LMO3: variants seen among roughly 807,000 people sequenced by gnomAD.
LMO3 encodes LIM domain only 3, also known as LIM domain only protein 3.
A neutral mutation model predicts 15.8 loss-of-function variants in LMO3; 2 were observed. The observed-to-expected ratio is 0.13, with a 90% CI of 0.05 to 0.40. The LOEUF is 0.40. LMO3 is among the 10% of genes least tolerant of loss of function. The pLI, the probability that LMO3 is intolerant of heterozygous loss-of-function variation, is 0.99. For missense variants in LMO3, 86 were observed against 182.2 expected, an observed-to-expected ratio of 0.47 and a Z score of 3.04; for synonymous variants, 62 against 63.8, an observed-to-expected ratio of 0.97 and a Z score of 0.13.
chr12:16,593,752 CA>C lies in LMO3; in HGVS notation c.206+6902del, dbSNP rs1033655890. Among the ~76,000 whole-genome samples, 48 of 151,784 alleles carry C rather than the reference CA, an allele frequency of 3.2e-4. No individual in the cohort carries two copies. Among genetic ancestry groups the C allele is most frequent in the African/African-American group, 1.1e-3 (46 of 41,512 alleles). ...ATACTGATAATAAAGGGGGGAAAGG[CA>C]TAAGCCAAAGGAATTGTTTTAAAGT... On this transcript the variant is annotated intron_variant, in intron 2 of 3. Coordinates refer to ENST00000537304, the MANE Select transcript of LMO3 (RefSeq NM_018640.5). This position sits in a 1 kb window ranked among gnomAD's most constrained non-coding sequence, Gnocchi z 4.2.
chr12:16,577,379 A>G (rs1166117570), intron 2 of LMO3, among the ~76,000 whole-genome samples: 1 of 152,118 alleles, frequency 6.6e-6, no homozygotes, highest in African/African-American at 2.4e-5. Flanking sequence ...AGTTATTAAA[A>G]TCACATTTTC....
rs1345284535 is a variant in LMO3, at chr12:16,582,938, T to A, written c.206+17717A>T. Among the ~76,000 whole-genome samples the A allele has an allele frequency of 1.7e-4, 25 of 151,062 alleles. No homozygotes were observed. The highest frequency in any genetic ancestry group is 1.5e-3 in the Admixed American group (23 of 15,078). ...GGCATGCACCTGTAATCCCAGCTAC[T>A]CAGGAGGCTAATGCAGGAAAATCTC... On this transcript the variant is annotated intron_variant, in intron 2 of 3. Transcript: ENST00000537304. This position sits in a 1 kb window ranked among gnomAD's most constrained non-coding sequence, Gnocchi z 4.1.
chr12:16,563,537 C>G (rs930044378), intron 2 of LMO3, among the ~76,000 whole-genome samples: 2 of 152,012 alleles, frequency 1.3e-5, no homozygotes, highest in Non-Finnish European at 2.9e-5. Flanking sequence ...AAAACAGTCT[C>G]TTAACTATCT....
chr12:16,577,351 G>A (rs2137502820), intron 2 of LMO3, among the ~76,000 whole-genome samples: 1 of 152,154 alleles, frequency 6.6e-6, no homozygotes, highest in Non-Finnish European at 1.5e-5. Context: ...CTTCCATGAA[G>A]GCCTCCTAAA....
chr12:16,572,250 C>T (rs1483514496), intron 2 of LMO3, among the ~76,000 whole-genome samples: 2 of 148,394 alleles, frequency 1.3e-5, no homozygotes, highest in Non-Finnish European at 3.0e-5. Flanking sequence ...GAAGGAATTA[C>T]AATAAAACCT....
At position 16,568,132 on chromosome 12, in the gene LMO3, C is replaced by T. The variant is rs529528630; in HGVS notation, c.207-7594G>A. ...AGATCTTGGTGAAAGTTATTGTCAT[C>T]GGTTTCTCTGGGTATTGTATGTTAA... is the stretch of plus-strand genomic sequence containing the variant. On this transcript the variant is annotated intron_variant, in intron 2 of 3. Transcript: ENST00000537304. Among the ~76,000 whole-genome samples, 17 of 152,258 alleles carry T rather than the reference C, an allele frequency of 1.1e-4. 1 individual carries two copies. Among genetic ancestry groups the T allele is most frequent in the African/African-American group, 4.1e-4 (17 of 41,558 alleles).
intron 2 of LMO3, among the ~76,000 whole-genome samples, chr12:16,561,230 T>C (rs1216178744): frequency 1.3e-5 from 2 of 152,192 alleles, no homozygotes; most frequent in Non-Finnish European, 2.9e-5. Context: ...AGAATCGTTA[T>C]TGTAATGACC....
chr12:16,603,777 C>G lies in LMO3; in HGVS notation c.-9+2289G>C, dbSNP rs1201141889. Among the ~76,000 whole-genome samples, 1 of 152,154 alleles carries G rather than the reference C, an allele frequency of 6.6e-6. No homozygotes were observed. Among genetic ancestry groups the G allele is most frequent in the African/African-American group, 2.4e-5 (1 of 41,432 alleles). ...CCTTGTTCTGTACCATTCATCCGCA[C>G]AGTCTCAGCTTCAGTAGTTAACACA... On this transcript the variant is annotated intron_variant, in intron 1 of 3. Coordinates refer to ENST00000537304, the MANE Select transcript of LMO3 (RefSeq NM_018640.5). This position sits in a 1 kb window ranked among gnomAD's most constrained non-coding sequence, Gnocchi z 4.9.
rs1943750584 is a variant in LMO3 at position 16,599,294 on chromosome 12, GAGA to G, written c.206+1358_206+1360del. 1.3e-5 allele frequency: 2 copies of G among 152,258 alleles called. No homozygotes were observed. The highest frequency in any genetic ancestry group is 4.8e-5 in the African/African-American group (2 of 41,456). 9.4% of individuals were successfully genotyped at this position (152,258 alleles called of 1,614,324 possible). A position where few individuals can be genotyped will look rare whatever the true frequency, so the allele number is the denominator to read the frequency against. On this transcript the variant is annotated intron_variant, in intron 2 of 3. Coordinates refer to ENST00000537304, the MANE Select transcript of LMO3 (RefSeq NM_018640.5). This position sits in a 1 kb window ranked among gnomAD's most constrained non-coding sequence, Gnocchi z 4.1. ...ATGTGTTTTACGCACTTGGAACACA[GAGA>G]AGTAGTAACAAGTGGCCATAATTAG... is the stretch of plus-strand genomic sequence containing the variant.
rs1941918181 is a variant in LMO3 at position 16,549,770 on chromosome 12, G to T, written c.*1452C>A. Reference sequence around the variant, plus strand: ...CAAAAGCAAAGAAGCAAGTTTGTGGGCAACTCGGAAGAGGGGATCATATTC... The same window carrying T: ...CAAAAGCAAAGAAGCAAGTTTGTGGTCAACTCGGAAGAGGGGATCATATTC... On this transcript the variant is annotated 3_prime_UTR_variant, in exon 4 of 4. Coordinates refer to ENST00000537304, the MANE Select transcript of LMO3 (RefSeq NM_018640.5). 6.6e-6 allele frequency: 1 copy of T among 152,064 alleles called. No individual in the cohort carries two copies. The allele number at this position is 152,064 out of a possible 1,614,324, so 9.4% of individuals were successfully genotyped here.
intron 2 of LMO3, among the ~76,000 whole-genome samples, chr12:16,592,286 G>A (rs1591821287): frequency 6.6e-6 from 1 of 151,898 alleles, no homozygotes. Context: ...TCTCAGCAAG[G>A]GTTGCACCGT....
chr12:16,569,730 T>C (rs1431749869), intron 2 of LMO3, among the ~76,000 whole-genome samples: 2 of 152,186 alleles, frequency 1.3e-5, no homozygotes, highest in African/African-American at 4.8e-5. Context: ...AAGCTTGCTA[T>C]TTATTGTTTT....
Position 16,551,143 on chromosome 12 carries a change from T to G in LMO3, c.*79A>C. 1 of 927,446 alleles carries G rather than the reference T, an allele frequency of 1.1e-6. No individual in the cohort carries two copies. Among genetic ancestry groups the G allele is most frequent in the Admixed American group, 1.8e-5 (1 of 56,852 alleles). The allele number at this position is 927,446 out of a possible 1,614,324, so 57.5% of individuals were successfully genotyped here. A position where few individuals can be genotyped will look rare whatever the true frequency, so the allele number is the denominator to read the frequency against. ...CTACGCTATTCAGTAGGTTCCTGTG[T>G]CAATTCTTATGTACATGTGGAGCAA... On this transcript the variant is annotated 3_prime_UTR_variant, in exon 4 of 4. Transcript: ENST00000537304.
In LMO3 at chr12:16,576,079, C is replaced by T. The variant is rs1228830164; in HGVS notation, c.207-15541G>A. On this transcript the variant is annotated intron_variant, in intron 2 of 3. Transcript: ENST00000537304. This position sits in a 1 kb window ranked among gnomAD's most constrained non-coding sequence, Gnocchi z 4.1. The stretch of plus-strand genomic sequence containing the variant: ...TTGTCTCAGTAAGCTACTTCTAGCG[C>T]GCATCGCTTCTCCCTTGCACTCATA... Among the ~76,000 whole-genome samples the T allele has an allele frequency of 2.6e-5, 4 of 152,152 alleles. No individual in the cohort carries two copies. Among genetic ancestry groups the T allele is most frequent in the Non-Finnish European group, 4.4e-5 (3 of 68,022 alleles).
chr12:16,577,125 T>C (rs1387148865), intron 2 of LMO3, among the ~76,000 whole-genome samples: 2 of 152,182 alleles, frequency 1.3e-5, no homozygotes, highest in African/African-American at 4.8e-5. Flanking sequence ...ACTGGTAACA[T>C]CTGTATCCCT....
intron 2 of LMO3, among the ~76,000 whole-genome samples, chr12:16,578,591 G>A (rs1270939339): frequency 6.6e-6 from 1 of 152,144 alleles, no homozygotes; most frequent in Non-Finnish European, 1.5e-5. Flanking sequence ...GCTGAGGCGG[G>A]TGGATCACTT....
intron 2 of LMO3, among the ~76,000 whole-genome samples, chr12:16,566,015 T>C (rs1591785708): frequency 1.2e-5 from 1 of 80,600 alleles, no homozygotes; most frequent in Non-Finnish European, 2.5e-5. Flanking sequence ...TATATATATA[T>C]ATATATATAT....
At chr12:16,602,918 C>G (rs1165260143) in intron 1 of LMO3, among the ~76,000 whole-genome samples, 1 of 151,638 alleles carries the variant, frequency 6.6e-6, no homozygotes, top group African/African-American at 2.4e-5. Context: ...TTAAGCCATC[C>G]TAATTAACGG....
At chr12:16,566,392 G>A (rs748408780) in intron 2 of LMO3, among the ~76,000 whole-genome samples, 1 of 151,910 alleles carries the variant, frequency 6.6e-6, no homozygotes, top group Non-Finnish European at 1.5e-5. Context: ...ATAGGTAGAA[G>A]AGAAGCTTTT....
Sources: gnomAD v4.1 joint callset for allele counts (sites outside exome capture counted in the v4.1 genomes callset) on GRCh38, gnomAD v4.1.1 for gene constraint, Gnocchi (gnomAD v3.1) non-coding constraint, MANE v1.5 for transcripts, NCBI Gene and HGNC (gene_info 2026-07-23, HGNC 2026-07-21) for gene names.